PELI2: variants seen among roughly 807,000 people sequenced by gnomAD.
PELI2 encodes the protein pellino E3 ubiquitin protein ligase family member 2.
In PELI2, 23 loss-of-function variants were observed where a neutral mutation model predicts 42.3. The observed-to-expected ratio is 0.54, with a 90% CI of 0.39 to 0.77. The LOEUF is 0.77. Ranked by LOEUF, PELI2 falls within the 30% of genes least tolerant of loss-of-function variation. The pLI, the probability that PELI2 is intolerant of heterozygous loss-of-function variation, is 0.00. For synonymous variants in PELI2, 245 were observed against 212.2 expected (o/e 1.15, Z -1.34); for missense variants, 463 against 553.2 (o/e 0.84, Z 1.64).
intron 2 of PELI2, among the ~76,000 whole-genome samples, chr14:56,259,411 A>T (rs139542797): frequency 6.6e-6 from 1 of 152,286 alleles, no homozygotes; most frequent in African/African-American, 2.4e-5. Context: ...ATGCATAGAG[A>T]TAAAATGACA....
intron 2 of PELI2, among the ~76,000 whole-genome samples, chr14:56,203,821 CA>C (rs1343170559): frequency 6.6e-6 from 1 of 152,152 alleles, no homozygotes; most frequent in Non-Finnish European, 1.5e-5. Context: ...CAGGAGGTCT[CA>C]CCCTACTCTA....
chr14:56,204,884 A>T (rs554423996), intron 2 of PELI2, among the ~76,000 whole-genome samples: 1 of 152,146 alleles, frequency 6.6e-6, no homozygotes, highest in South Asian at 2.1e-4. Flanking sequence ...ACAAAAAAGT[A>T]GCCAGGCGTG....
chr14:56,265,390 T>A (rs1036521318), intron 2 of PELI2, among the ~76,000 whole-genome samples: 1 of 152,138 alleles, frequency 6.6e-6, no homozygotes, highest in East Asian at 1.9e-4. Context: ...GATAGTCTTT[T>A]AAACAGACGG....
At chr14:56,201,169 T>C (rs1886318071) in intron 2 of PELI2, among the ~76,000 whole-genome samples, 1 of 152,228 alleles carries the variant, frequency 6.6e-6, no homozygotes, top group Non-Finnish European at 1.5e-5. Flanking sequence ...ACCTGTAAAA[T>C]GGAACTGTAG....
chr14:56,151,422 G>A (rs1205646425), intron 1 of PELI2, among the ~76,000 whole-genome samples: 2 of 152,194 alleles, frequency 1.3e-5, no homozygotes, highest in African/African-American at 4.8e-5. Flanking sequence ...ACACAGACCT[G>A]TTCTAGAACA....
intron 2 of PELI2, among the ~76,000 whole-genome samples, chr14:56,229,045 C>T (rs923179636): frequency 2.0e-5 from 3 of 152,210 alleles, no homozygotes; most frequent in Admixed American, 6.5e-5. Flanking sequence ...CAGCAAGGCT[C>T]GGGGAGGGGC....
chr14:56,278,923 T>A (rs1305058385), intron 2 of PELI2, among the ~76,000 whole-genome samples: 1 of 152,194 alleles, frequency 6.6e-6, no homozygotes, highest in African/African-American at 2.4e-5. Context: ...ATCGATTTAT[T>A]TGTTAATTTA....
At chr14:56,211,559 C>G (rs1008442931) in intron 2 of PELI2, among the ~76,000 whole-genome samples, 3 of 152,148 alleles carry the variant, frequency 2.0e-5, no homozygotes, top group Non-Finnish European at 4.4e-5. Context: ...GTGAATGATG[C>G]CTGTATCTTC....
intron 2 of PELI2, among the ~76,000 whole-genome samples, chr14:56,247,373 G>A (rs1180679828): frequency 6.6e-6 from 1 of 152,102 alleles, no homozygotes; most frequent in Admixed American, 6.5e-5. Context: ...GTCCCCTTAC[G>A]GATGGATGTT....
At chr14:56,279,331 ACT>A (rs1206673149) in intron 2 of PELI2, among the ~76,000 whole-genome samples, 4 of 152,168 alleles carry the variant, frequency 2.6e-5, no homozygotes, top group African/African-American at 7.2e-5. Context: ...GAAATAAATG[ACT>A]CTATTAGTCT....
At chr14:56,294,048 G>C (rs1279997793) in intron 5 of PELI2, among the ~76,000 whole-genome samples, 2 of 152,200 alleles carry the variant, frequency 1.3e-5, no homozygotes, top group Admixed American at 6.5e-5. Context: ...TCGGTATGGT[G>C]GTGGGGCGGG....
At chr14:56,252,136 A>G (rs376316404) in intron 2 of PELI2, among the ~76,000 whole-genome samples, 5 of 152,218 alleles carry the variant, frequency 3.3e-5, no homozygotes, top group African/African-American at 1.2e-4. Flanking sequence ...ATTGTGCAGT[A>G]AGGAGGTAAC....
chr14:56,118,926 G>C (rs1882954438), intron 1 of PELI2, among the ~76,000 whole-genome samples, 189 bp downstream of exon 1: 2 of 150,648 alleles, frequency 1.3e-5, no homozygotes, highest in South Asian at 4.2e-4. Flanking sequence ...CGCTCGGGGT[G>C]CTGCGGCGGA....
chr14:56,147,342 A>G (rs958232908), intron 1 of PELI2, among the ~76,000 whole-genome samples: 3 of 152,176 alleles, frequency 2.0e-5, no homozygotes, highest in Non-Finnish European at 2.9e-5. Flanking sequence ...TCTTGTGATG[A>G]GATGCTGTAC....
rs567138717 is a variant in PELI2 at position 56,192,446 on chromosome 14, T to C, written c.207+13982T>C. Among the ~76,000 whole-genome samples, 5 of 152,346 alleles carry C rather than the reference T, an allele frequency of 3.3e-5. No homozygotes were observed. In the South Asian group the frequency reaches 1.0e-3, roughly 32 times the overall value. On this transcript the variant is annotated intron_variant, in intron 2 of 5. Coordinates refer to ENST00000267460, the MANE Select transcript of PELI2 (RefSeq NM_021255.3). ...ATAATCTTTGTTGTGGGGCCCGTGC[T>C]GTGCCTTTTAGGATGTTTAGCAGCA...
At chr14:56,195,521 GC>G (rs1327058076) in intron 2 of PELI2, among the ~76,000 whole-genome samples, 1 of 152,198 alleles carries the variant, frequency 6.6e-6, no homozygotes, top group Non-Finnish European at 1.5e-5. Flanking sequence ...CCTTTTAATG[GC>G]CGTAAAACAG....
intron 2 of PELI2, among the ~76,000 whole-genome samples, chr14:56,207,684 G>C (rs1017506749): frequency 6.6e-6 from 1 of 152,212 alleles, no homozygotes; most frequent in Non-Finnish European, 1.5e-5. Flanking sequence ...AAGGGTTACA[G>C]AGCCCCTCAC....
At chr14:56,221,380 G>A (rs1410098460) in intron 2 of PELI2, among the ~76,000 whole-genome samples, 2 of 152,202 alleles carry the variant, frequency 1.3e-5, no homozygotes, top group Non-Finnish European at 2.9e-5. Flanking sequence ...GGATTTGCCT[G>A]CCAGCTGTTG....
At chr14:56,120,453 T>C (rs941389274) in intron 1 of PELI2, among the ~76,000 whole-genome samples, 2 of 152,220 alleles carry the variant, frequency 1.3e-5, no homozygotes, top group East Asian at 3.8e-4. Flanking sequence ...ACGGAAAGGA[T>C]TGAAACCCTG....
Sources: allele counts gnomAD v4.1 joint callset (sites outside exome capture counted in the v4.1 genomes callset), GRCh38; gene constraint gnomAD v4.1.1; transcripts MANE v1.5; gene names NCBI Gene and HGNC (gene_info 2026-07-23, HGNC 2026-07-21).